JAZF1: variants seen among roughly 807,000 people sequenced by gnomAD.
JAZF1 encodes the protein juxtaposed with another zinc finger protein 1.
In JAZF1, 8 loss-of-function variants were observed where a neutral mutation model predicts 26.4. That is an observed-to-expected ratio of 0.30 (90% CI 0.18 to 0.55). The LOEUF (loss-of-function observed/expected upper bound fraction) is 0.55. Ranked by LOEUF, JAZF1 falls within the 20% of genes least tolerant of loss-of-function variation. The pLI, the probability that JAZF1 is intolerant of heterozygous loss-of-function variation, is 0.94. For missense variants in JAZF1, 199 were observed against 322.0 expected (o/e 0.62, Z 2.92); for synonymous variants, 126 against 122.3 (o/e 1.03, Z -0.20).
chr7:27,920,066 C>T (rs1436862375), intron 2 of JAZF1, among the ~76,000 whole-genome samples: 1 of 152,064 alleles, frequency 6.6e-6, no homozygotes, highest in East Asian at 1.9e-4. Flanking sequence ...AGCTCCTGGC[C>T]CTGACCCAAA....
At chr7:28,059,591 T>A (rs912935026) in intron 1 of JAZF1, among the ~76,000 whole-genome samples, 1 of 152,184 alleles carries the variant, frequency 6.6e-6, no homozygotes, top group Non-Finnish European at 1.5e-5. Flanking sequence ...TTGTCCCTTC[T>A]TTTAACTCTT....
chr7:28,169,553 A>G (rs1428408746), intron 1 of JAZF1, among the ~76,000 whole-genome samples: 1 of 152,240 alleles, frequency 6.6e-6, no homozygotes, highest in Non-Finnish European at 1.5e-5. Context: ...TGAGATTCCC[A>G]AGTAAACTGA....
chr7:27,917,336 G>A (rs1784457591), intron 2 of JAZF1, among the ~76,000 whole-genome samples: 1 of 151,736 alleles, frequency 6.6e-6, no homozygotes, highest in African/African-American at 2.4e-5. Flanking sequence ...CTCAACTCTG[G>A]CGTATTTCTC....
rs767036729 is a variant in JAZF1, at chr7:28,042,647, T to C, written c.116-50666A>G. Among the ~76,000 whole-genome samples the C allele has an allele frequency of 2.0e-5, 3 of 152,326 alleles. No homozygotes were observed. In the South Asian group the frequency reaches 6.2e-4, roughly 32 times the overall value. ...AGACATGTACTGCAGAACAACATTT[T>C]GGTCAATGATGGAACACTTACGTGA... is the stretch of plus-strand genomic sequence containing the variant. On this transcript the variant is annotated intron_variant, in intron 1 of 4. Transcript: ENST00000283928.
intron 3 of JAZF1, chr7:27,841,446 G>C (rs1782919788): frequency 6.6e-6 from 1 of 152,402 alleles, no homozygotes; most frequent in Non-Finnish European, 1.5e-5. Flanking sequence ...TCACGCTAGG[G>C]AGCAAGAGGC....
chr7:27,958,335 G>C (rs1464061753), intron 2 of JAZF1, among the ~76,000 whole-genome samples: 1 of 152,182 alleles, frequency 6.6e-6, no homozygotes, highest in Non-Finnish European at 1.5e-5. Context: ...TGTAAGGAAA[G>C]GAATGCCTTC....
intron 1 of JAZF1, among the ~76,000 whole-genome samples, chr7:28,147,797 G>A (rs530597488): frequency 2.6e-5 from 4 of 151,804 alleles, no homozygotes; most frequent in Admixed American, 1.3e-4. Context: ...GGGGGAGGGG[G>A]GACAGGGAGG....
chr7:27,972,192 C>G (rs1785385169), intron 2 of JAZF1, among the ~76,000 whole-genome samples: 2 of 152,164 alleles, frequency 1.3e-5, no homozygotes. Flanking sequence ...CTATGAAGAA[C>G]AGAAGAGAAG....
At chr7:28,081,435 C>A (rs1419522847) in intron 1 of JAZF1, among the ~76,000 whole-genome samples, 1 of 152,186 alleles carries the variant, frequency 6.6e-6, no homozygotes, top group Non-Finnish European at 1.5e-5. Flanking sequence ...GATGCTTTTT[C>A]TAAGGTTTGG....
chr7:28,097,611 T>G (rs1489930606), intron 1 of JAZF1, among the ~76,000 whole-genome samples: 1 of 152,182 alleles, frequency 6.6e-6, no homozygotes, highest in Non-Finnish European at 1.5e-5. Flanking sequence ...ATGGGAGAGC[T>G]GAAGGAGCTG....
intron 2 of JAZF1, among the ~76,000 whole-genome samples, chr7:27,923,847 T>G (rs1387545383): frequency 6.6e-6 from 1 of 152,200 alleles, no homozygotes; most frequent in Non-Finnish European, 1.5e-5. Flanking sequence ...ACTATGAGAC[T>G]GAGGGAGATG....
chr7:27,900,543 T>C (rs2128342977), intron 2 of JAZF1, among the ~76,000 whole-genome samples: 1 of 152,288 alleles, frequency 6.6e-6, no homozygotes, highest in Admixed American at 6.5e-5. Flanking sequence ...TAACACAAAT[T>C]GAGACTTTTT....
intron 2 of JAZF1, among the ~76,000 whole-genome samples, chr7:27,953,297 A>AG: frequency 6.6e-6 from 1 of 152,356 alleles, no homozygotes; most frequent in Admixed American, 6.5e-5. Context: ...CTTTTTGTTA[A>AG]CTATAGCCAA....
intron 1 of JAZF1, among the ~76,000 whole-genome samples, chr7:28,072,881 A>G (rs973947539): frequency 6.6e-6 from 1 of 152,178 alleles, no homozygotes; most frequent in Non-Finnish European, 1.5e-5. Context: ...CTGGATACAT[A>G]TTTTTTAAAA....
chr7:27,952,073 G>A lies in JAZF1; in HGVS notation c.188+39836C>T, dbSNP rs1006834347. On this transcript the variant is annotated intron_variant, in intron 2 of 4. Coordinates refer to ENST00000283928, the MANE Select transcript of JAZF1 (RefSeq NM_175061.4). Reference sequence around the variant, plus strand: ...GGTGGGGTGGGCACTCAGAGCAGCTGTGTCATCAGCAGTTCATGGCACTAT... The same window carrying A: ...GGTGGGGTGGGCACTCAGAGCAGCTATGTCATCAGCAGTTCATGGCACTAT... Among the ~76,000 whole-genome samples, 8 of 152,200 alleles carry A rather than the reference G, an allele frequency of 5.3e-5. No individual in the cohort carries two copies. In the East Asian group the frequency reaches 1.3e-3, roughly 26 times the overall value.
intron 2 of JAZF1, among the ~76,000 whole-genome samples, chr7:27,984,418 T>C (rs1464120611): frequency 3.3e-5 from 5 of 152,178 alleles, no homozygotes; most frequent in Admixed American, 2.0e-4. Context: ...CCTAAATATA[T>C]AGGCACCCAA....
intron 1 of JAZF1, among the ~76,000 whole-genome samples, chr7:28,160,183 T>C (rs1053971304): frequency 6.6e-6 from 1 of 151,668 alleles, no homozygotes; most frequent in African/African-American, 2.4e-5. Flanking sequence ...GGGATGGGAA[T>C]AGGAAAAAAA....
At chr7:27,926,385 T>C (rs1448162060) in intron 2 of JAZF1, among the ~76,000 whole-genome samples, 16 of 152,182 alleles carry the variant, frequency 1.1e-4, no homozygotes, top group Admixed American at 9.8e-4. Flanking sequence ...AAAAGAGCCA[T>C]TCAGGTCCTG....
chr7:28,177,377 G>A (rs1423324761), intron 1 of JAZF1, among the ~76,000 whole-genome samples: 1 of 152,140 alleles, frequency 6.6e-6, no homozygotes, highest in Non-Finnish European at 1.5e-5. Context: ...ACACATATAA[G>A]ATAACAGAGA....
Sources: gnomAD v4.1 joint callset for allele counts (sites outside exome capture counted in the v4.1 genomes callset) on GRCh38, gnomAD v4.1.1 for gene constraint, MANE v1.5 for transcripts, NCBI Gene and HGNC (gene_info 2026-07-23, HGNC 2026-07-21) for gene names.